ITGAE: variants seen among roughly 807,000 people sequenced by gnomAD.
The protein encoded by ITGAE is integrin subunit alpha E.
Under a neutral mutation model 136.5 loss-of-function variants are expected in ITGAE, and 99 were observed. That is an observed-to-expected ratio of 0.73 (90% confidence interval 0.62 to 0.86). The LOEUF is 0.86. Ranked by LOEUF, ITGAE falls within the 40% of genes least tolerant of loss-of-function variation. ITGAE has a pLI of 0.00. For synonymous variants in ITGAE, 613 were observed against 591.8 expected, an observed-to-expected ratio of 1.04 and a Z score of -0.52; for missense variants, 1,447 against 1,515.3, an observed-to-expected ratio of 0.95 and a Z score of 0.75.
intron 24 of ITGAE, chr17:3,729,217 C>T (rs1022687428): frequency 1.2e-5 from 5 of 427,838 alleles, no homozygotes; most frequent in Non-Finnish European, 2.2e-5. Flanking sequence ...CTGCCTTCTT[C>T]CCTCCACAGC....
Position 3,751,542 on chromosome 17 carries a change from C to A in ITGAE, c.1893+108G>T, listed in dbSNP as rs79313355. The A allele has an allele frequency of 1.7e-4, 170 of 1,001,192 alleles. No individual in the cohort carries two copies. In the African/African-American group the frequency reaches 2.6e-3, roughly 15 times the overall value. 62.0% of individuals were successfully genotyped at this position (1,001,192 alleles called of 1,614,324 possible). A position where few individuals can be genotyped will look rare whatever the true frequency, so the allele number is the denominator to read the frequency against. Reference sequence around the variant, plus strand: ...TCTTTCACTGGGCATTCCCAACCCCCGAGACCTGCCCAGCACTTAGGACTG... The same window carrying A: ...TCTTTCACTGGGCATTCCCAACCCCAGAGACCTGCCCAGCACTTAGGACTG... On this transcript the variant is annotated intron_variant, in intron 15 of 30. Transcript: ENST00000263087.
rs2051830805 is a variant in ITGAE, at chr17:3,750,275, T to A, written c.2024+77A>T. 56 of 1,565,106 alleles carry A rather than the reference T, an allele frequency of 3.6e-5. No homozygotes were observed. The South Asian group carries it at 4.6e-4, about 13-fold the overall frequency. ...TGGCTCCCTCCCTCAGTGCCTAATG[T>A]CTGCATGGAGCTATTTAGAGCAGGG... On this transcript the variant is annotated intron_variant, in intron 16 of 30. Transcript: ENST00000263087.
chr17:3,719,353 A>G (rs1193213430), intron 29 of ITGAE, among the ~76,000 whole-genome samples: 1 of 152,134 alleles, frequency 6.6e-6, no homozygotes, highest in Non-Finnish European at 1.5e-5. Flanking sequence ...TCCAGGGAGG[A>G]AAACAGAGGA....
At chr17:3,725,883 T>G (rs1415722820) in intron 26 of ITGAE, 1 of 1,574,888 alleles carries the variant, frequency 6.3e-7, no homozygotes, top group East Asian at 2.3e-5. Context: ...GCACCGAGAC[T>G]TACACTGGGG....
At chr17:3,729,440 T>TC in intron 24 of ITGAE, 38 bp downstream of exon 24, 1 of 1,333,950 alleles carries the variant, frequency 7.5e-7, no homozygotes, top group South Asian at 1.2e-5. Flanking sequence ...CCCTGGGCGA[T>TC]GGAGTCACAC....
chr17:3,736,058 G>C (rs571125754), intron 20 of ITGAE, among the ~76,000 whole-genome samples: 9 of 152,114 alleles, frequency 5.9e-5, no homozygotes, highest in Non-Finnish European at 1.2e-4. Flanking sequence ...ACAGAGAATT[G>C]CTTGAACCCG....
At position 3,734,889 on chromosome 17, in the gene ITGAE, G is replaced by T. The variant is rs117360377; in HGVS notation, c.2583C>A (p.Ser861=). ...ELTLNINLTN[S]GEDSYMTSMA... ...TGCTTGTCATGTAGGAATCTTCCCC[G>T]GAGTTAGTTAGGTTAATGTTCAGGG... The change falls in exon 21 of 31, where the codon TCC becomes TCA. Residue 861 remains serine, a synonymous_variant. Coordinates refer to ENST00000263087, the MANE Select transcript of ITGAE (RefSeq NM_002208.5). 1.2e-6 allele frequency: 2 copies of T among 1,614,166 alleles called. No individual in the cohort carries two copies. Among genetic ancestry groups the T allele is most frequent in the Non-Finnish European group, 1.7e-6 (2 of 1,180,014 alleles).
At chr17:3,742,812 C>T (rs753228710) in intron 19 of ITGAE, among the ~76,000 whole-genome samples, 3 of 152,268 alleles carry the variant, frequency 2.0e-5, no homozygotes, top group South Asian at 2.1e-4. Context: ...CCACCACACC[C>T]GGCCAATTTT....
intron 28 of ITGAE, among the ~76,000 whole-genome samples, chr17:3,720,825 T>C (rs1360336896): frequency 1.3e-5 from 2 of 151,924 alleles, no homozygotes; most frequent in Non-Finnish European, 2.9e-5. Context: ...TCAGATGATC[T>C]ACCCACCTCG....
intron 2 of ITGAE, 62 bp downstream of exon 2, chr17:3,777,478 C>T: frequency 1.3e-6 from 2 of 1,544,138 alleles, no homozygotes; most frequent in Non-Finnish European, 1.8e-6. Flanking sequence ...TCTCTGGGGC[C>T]CATCTCAGAT....
chr17:3,769,202 G>A (rs188511770), intron 2 of ITGAE, among the ~76,000 whole-genome samples: 3 of 152,220 alleles, frequency 2.0e-5, no homozygotes, highest in Admixed American at 2.0e-4. Flanking sequence ...CCTCTGCCCG[G>A]ACTGTTTCCT....
chr17:3,753,801 T>C lies in ITGAE; in HGVS notation c.1509A>G (p.Pro503=). 1.2e-6 allele frequency: 2 copies of C among 1,614,212 alleles called. No individual in the cohort carries two copies. The highest frequency in any genetic ancestry group is 8.5e-7 in the Non-Finnish European group (1 of 1,180,040). ...CAGGTACCTGCTCTCCCTCCAGCAC[T>C]GGCAGGAAGCTGGCCTCTCTGCCCT... is the stretch of plus-strand genomic sequence containing the variant. ...QKEGREASFL[P]VLEGEQMGSY... The change falls in exon 13 of 31, where the codon CCA becomes CCG. Residue 503 remains proline (P), a synonymous_variant. Transcript: ENST00000263087.
At chr17:3,727,892 G>T in intron 26 of ITGAE, 27 bp downstream of exon 26, 2 of 1,357,580 alleles carry the variant, frequency 1.5e-6, no homozygotes, top group South Asian at 1.2e-5. Flanking sequence ...AAAGAGGTGT[G>T]ACTGATAAAG....
intron 1 of ITGAE, among the ~76,000 whole-genome samples, chr17:3,792,501 G>A (rs865859954): frequency 3.3e-5 from 5 of 152,194 alleles, no homozygotes; most frequent in African/African-American, 4.8e-5. Context: ...ACATAATACA[G>A]GTAAGATAAA....
intron 8 of ITGAE, 149 bp from the exon 9 acceptor site, chr17:3,758,008 T>C: frequency 1.1e-6 from 1 of 893,802 alleles, no homozygotes; most frequent in East Asian, 2.6e-5. Context: ...CCCCCTTAAG[T>C]CACGCAGCGA....
intron 7 of ITGAE, 89 bp from the exon 8 acceptor site, chr17:3,759,642 C>G: frequency 6.8e-7 from 1 of 1,464,986 alleles, no homozygotes; most frequent in Middle Eastern, 1.7e-4. Context: ...CAGAAAAATC[C>G]ACTCCTTCTA....
chr17:3,768,395 G>C (rs1276487329), intron 2 of ITGAE, among the ~76,000 whole-genome samples: 1 of 152,124 alleles, frequency 6.6e-6, no homozygotes, highest in Non-Finnish European at 1.5e-5. Context: ...AAACTGCTGG[G>C]AGTGAGCCTA....
chr17:3,746,616 T>C (rs1026485444), intron 17 of ITGAE, among the ~76,000 whole-genome samples: 7 of 151,940 alleles, frequency 4.6e-5, no homozygotes, highest in Non-Finnish European at 7.4e-5. Flanking sequence ...CCACCACACC[T>C]GGCTAATTTT....
In ITGAE at chr17:3,754,004, T is replaced by C; in HGVS notation, c.1385-79A>G. 3.2e-6 allele frequency: 5 copies of C among 1,538,490 alleles called. No homozygotes were observed. The South Asian group carries it at 4.6e-5, about 14-fold the overall frequency. On this transcript the variant is annotated intron_variant, in intron 12 of 30. Transcript: ENST00000263087. ...TCTCTTGGCCCCGGCACCTTCCCAGTCAGGCCTTCAAAGTGGCCTGGGGAG... is the reference window on the plus strand; with the variant it reads ...TCTCTTGGCCCCGGCACCTTCCCAGCCAGGCCTTCAAAGTGGCCTGGGGAG...
Sources: allele counts gnomAD v4.1 joint callset (sites outside exome capture counted in the v4.1 genomes callset), GRCh38; gene constraint gnomAD v4.1.1; transcripts MANE v1.5; gene names NCBI Gene and HGNC (gene_info 2026-07-23, HGNC 2026-07-21).